Variants in TRAPPC9 observed in about 807,000 individuals in gnomAD.
TRAPPC9 encodes the protein IKK2 binding protein.
A neutral mutation model predicts 124.0 loss-of-function variants in TRAPPC9; 83 were observed. The observed-to-expected ratio is 0.67, with a 90% CI of 0.56 to 0.80. The LOEUF is 0.80. TRAPPC9 is among the 30% of genes least tolerant of loss of function. The pLI is 0.00. For synonymous variants in TRAPPC9, 638 were observed against 617.5 expected (o/e 1.03, Z -0.49); for missense variants, 1,302 against 1,508.3 (o/e 0.86, Z 2.27).
intron 14 of TRAPPC9, among the ~76,000 whole-genome samples, chr8:140,279,680 A>G (rs1188068169): frequency 6.6e-6 from 1 of 152,042 alleles, no homozygotes; most frequent in Non-Finnish European, 1.5e-5. Context: ...CAGAGCATGC[A>G]CGCACCCCCG....
chr8:139,804,436 CCAT>C (rs1823854195), intron 21 of TRAPPC9, among the ~76,000 whole-genome samples: 9 of 136,052 alleles, frequency 6.6e-5, no homozygotes, highest in Admixed American at 1.5e-4. Flanking sequence ...CCACCAAGCA[CCAT>C]CACCACCACT....
chr8:139,943,262 T>C (rs774748883), intron 19 of TRAPPC9, among the ~76,000 whole-genome samples: 14 of 152,194 alleles, frequency 9.2e-5, no homozygotes, highest in Non-Finnish European at 1.6e-4. Context: ...AGCTGGGTCT[T>C]TGCCATGTTG....
At chr8:139,859,931 T>C (rs1187223934) in intron 21 of TRAPPC9, among the ~76,000 whole-genome samples, 1 of 152,230 alleles carries the variant, frequency 6.6e-6, no homozygotes, top group Non-Finnish European at 1.5e-5. Flanking sequence ...TGATGAAAAC[T>C]ATGGACCCTA....
At chr8:140,003,087 C>T (rs1314676647) in intron 18 of TRAPPC9, among the ~76,000 whole-genome samples, 1 of 151,870 alleles carries the variant, frequency 6.6e-6, no homozygotes, top group Non-Finnish European at 1.5e-5. Context: ...TTGAAGAAAA[C>T]ATTTACAAAT....
At chr8:140,190,105 G>A (rs1045320976) in intron 17 of TRAPPC9, among the ~76,000 whole-genome samples, 5 of 152,164 alleles carry the variant, frequency 3.3e-5, no homozygotes, top group African/African-American at 1.2e-4. Flanking sequence ...AGCTCTGGTC[G>A]GAAACCAGAA....
In TRAPPC9 at chr8:140,241,568, G is replaced by A. The variant is rs1048452390; in HGVS notation, c.2431+11209C>T. ...AAATTAGCTGGGCATGGTGGTGTGC[G>A]CCTGTAGTCCCAGCTATTCGGAAGG... On this transcript the variant is annotated intron_variant, in intron 16 of 22. Coordinates refer to ENST00000438773, the MANE Select transcript of TRAPPC9 (RefSeq NM_001160372.4). This position sits in a 1 kb window ranked among gnomAD's most constrained non-coding sequence, Gnocchi z 5.0. 2.0e-5 allele frequency among the ~76,000 whole-genome samples: 3 copies of A among 152,000 alleles called. No individual in the cohort carries two copies. The highest frequency in any genetic ancestry group is 2.9e-5 in the Non-Finnish European group (2 of 67,996).
chr8:140,152,049 T>C (rs926873496), intron 17 of TRAPPC9, among the ~76,000 whole-genome samples: 1 of 152,148 alleles, frequency 6.6e-6, no homozygotes, highest in Non-Finnish European at 1.5e-5. Flanking sequence ...CCCAGCTCTA[T>C]GACCTTGGGC....
intron 17 of TRAPPC9, among the ~76,000 whole-genome samples, chr8:140,183,948 AGAGGGGAGGGGAGGGAG>A (rs1221914986): frequency 3.4e-4 from 6 of 17,498 alleles, no homozygotes; most frequent in Non-Finnish European, 6.2e-4. Context: ...AGAGGAGAGG[AGAGGGGAGGGGAGGGAG>A]GAGGGAGGAG....
intron 11 of TRAPPC9, among the ~76,000 whole-genome samples, chr8:140,297,098 G>C (rs112286354): frequency 2.0e-5 from 3 of 152,210 alleles, no homozygotes; most frequent in East Asian, 1.9e-4. Flanking sequence ...GACAGGATTT[G>C]TACAGCTCTC....
At chr8:139,805,466 A>G (rs900080112) in intron 21 of TRAPPC9, among the ~76,000 whole-genome samples, 3 of 152,188 alleles carry the variant, frequency 2.0e-5, no homozygotes, top group Admixed American at 1.3e-4. Context: ...TAAGACATTG[A>G]ACATCCTGGG....
intron 19 of TRAPPC9, among the ~76,000 whole-genome samples, chr8:139,922,658 G>T (rs1045917544): frequency 6.6e-6 from 1 of 152,210 alleles, no homozygotes; most frequent in African/African-American, 2.4e-5. Context: ...GTGAGGCAGG[G>T]CTTCCTCCCC....
chr8:140,037,155 C>T (rs113377313), intron 17 of TRAPPC9, among the ~76,000 whole-genome samples: 3 of 152,304 alleles, frequency 2.0e-5, no homozygotes, highest in African/African-American at 7.2e-5. Context: ...ATAGCACCCA[C>T]TGTGAAAGCA....
At chr8:139,862,647 C>T (rs1828243865) in intron 21 of TRAPPC9, among the ~76,000 whole-genome samples, 1 of 152,246 alleles carries the variant, frequency 6.6e-6, no homozygotes, top group South Asian at 2.1e-4. Context: ...GCTACCAGAC[C>T]TCTCTTCCTT....
chr8:139,943,574 C>A (rs1834036000), intron 19 of TRAPPC9, among the ~76,000 whole-genome samples: 1 of 152,242 alleles, frequency 6.6e-6, no homozygotes, highest in African/African-American at 2.4e-5. Context: ...AATAAATTGA[C>A]ATCAATTTGA....
intron 9 of TRAPPC9, among the ~76,000 whole-genome samples, chr8:140,332,709 T>C (rs970212310): frequency 2.6e-5 from 4 of 152,178 alleles, no homozygotes; most frequent in Non-Finnish European, 4.4e-5. Context: ...AGATAAACTA[T>C]GGTACAGCAG....
At chr8:140,188,831 C>T (rs186249836) in intron 17 of TRAPPC9, among the ~76,000 whole-genome samples, 131 of 152,262 alleles carry the variant, frequency 8.6e-4, no homozygotes, top group Non-Finnish European at 1.5e-3. Flanking sequence ...CTGATGGTCC[C>T]GAATTGATAC....
chr8:139,762,348 C>T (rs945846444), intron 21 of TRAPPC9, among the ~76,000 whole-genome samples: 5 of 152,164 alleles, frequency 3.3e-5, no homozygotes, highest in Non-Finnish European at 5.9e-5. Flanking sequence ...AATACAGTCA[C>T]GCACAGCTTA....
In TRAPPC9 at chr8:139,776,099, C is replaced by A. The variant is rs1446778348; in HGVS notation, c.3056-43897G>T. ...ATAGCCACCAACCCTGACCAACCTCCTTCCTGAGGACAAGAGGACGAGGCT... is the reference window on the plus strand; with the variant it reads ...ATAGCCACCAACCCTGACCAACCTCATTCCTGAGGACAAGAGGACGAGGCT... On this transcript the variant is annotated intron_variant, in intron 21 of 22. Coordinates refer to ENST00000438773, the MANE Select transcript of TRAPPC9 (RefSeq NM_001160372.4). This position sits in a 1 kb window ranked among gnomAD's most constrained non-coding sequence, Gnocchi z 4.1. Among the ~76,000 whole-genome samples the A allele has an allele frequency of 1.3e-5, 2 of 152,180 alleles. No homozygotes were observed. The highest frequency in any genetic ancestry group is 1.9e-4 in the East Asian group (1 of 5,180).
intron 21 of TRAPPC9, among the ~76,000 whole-genome samples, chr8:139,804,385 A>C (rs1412079519): frequency 2.9e-5 from 2 of 69,852 alleles, no homozygotes; most frequent in East Asian, 4.4e-4. Context: ...ACCACCACCA[A>C]ACACCACCAC....
Sources: gnomAD v4.1 joint callset for allele counts (sites outside exome capture counted in the v4.1 genomes callset) on GRCh38, gnomAD v4.1.1 for gene constraint, Gnocchi (gnomAD v3.1) non-coding constraint, MANE v1.5 for transcripts, NCBI Gene and HGNC (gene_info 2026-07-23, HGNC 2026-07-21) for gene names.